Variants in GGNBP2 observed in about 807,000 individuals in gnomAD.
GGNBP2 encodes the protein gametogenetin binding protein 2, also known as gametogenetin-binding protein 2.
GGNBP2 carries 10 observed loss-of-function variants against 85.9 expected under a neutral mutation model. That is an observed-to-expected ratio of 0.12 (90% CI 0.07 to 0.20). The LOEUF is 0.20. Among genes scored for constraint, GGNBP2 ranks in the 10% least tolerant of loss-of-function variants. The pLI, the probability that GGNBP2 is intolerant of heterozygous loss-of-function variation, is 1.00. For missense variants in GGNBP2, 595 were observed against 857.8 expected, an observed-to-expected ratio of 0.69 and a Z score of 3.83; for synonymous variants, 287 against 285.7, an observed-to-expected ratio of 1.00 and a Z score of -0.05.
rs1160680685 is a variant in GGNBP2 at position 36,587,018 on chromosome 17, A to G, written c.1663A>G (p.Ile555Val). Residue 555 changes from isoleucine (I) to valine (V), a missense_variant, in exon 13 of 14, where the codon ATT becomes GTT. This residue lies in a region of GGNBP2 where 120 missense variants were observed against 126.3 expected (regional missense o/e 0.95). Coordinates refer to ENST00000613102, the MANE Select transcript of GGNBP2 (RefSeq NM_024835.5). ...DEHIQKLGSC[I>V]TDPGNRETSG... The stretch of plus-strand genomic sequence containing the variant: ...TCAGATCCAGAAGCTTGGAAGCTGT[A>G]TTACAGATCCAGGTAATCGAGAGAC... 17 of 1,612,298 alleles carry G rather than the reference A, an allele frequency of 1.1e-5. No individual in the cohort carries two copies. Among genetic ancestry groups the G allele is most frequent in the African/African-American group, 1.3e-5 (1 of 74,338 alleles).
At chr17:36,583,626 T>A (rs2074673292) in intron 9 of GGNBP2, among the ~76,000 whole-genome samples, 1 of 151,044 alleles carries the variant, frequency 6.6e-6, no homozygotes, top group Non-Finnish European at 1.5e-5. Context: ...GCCCGGCTAA[T>A]TTTTTTTTGT....
intron 8 of GGNBP2, among the ~76,000 whole-genome samples, chr17:36,579,797 G>C (rs934327564): frequency 2.0e-5 from 3 of 152,138 alleles, no homozygotes; most frequent in African/African-American, 7.2e-5. Context: ...GATCACCTGA[G>C]GTCAGGAGTT....
chr17:36,578,795 C>T (rs116983680), intron 7 of GGNBP2: 691 of 155,382 alleles, frequency 4.4e-3, no homozygotes, highest in South Asian at 0.02. Flanking sequence ...CGCCAAAGTT[C>T]TGTGAACACT....
chr17:36,582,023 T>TTAC (rs2142778490), intron 9 of GGNBP2: 1 of 152,168 alleles, frequency 6.6e-6, no homozygotes, highest in East Asian at 1.9e-4. Context: ...AACTACAGGC[T>TTAC]TACCCCACCA....
intron 6 of GGNBP2, among the ~76,000 whole-genome samples, chr17:36,568,670 C>A (rs1466914704): frequency 1.3e-5 from 2 of 152,102 alleles, no homozygotes; most frequent in Admixed American, 6.5e-5. Context: ...TTATCAGGAC[C>A]CCAAAAGAGA....
At chr17:36,581,597 A>G (rs994738481) in intron 9 of GGNBP2, 59 bp downstream of exon 9, 3 of 1,315,402 alleles carry the variant, frequency 2.3e-6, no homozygotes, top group Admixed American at 2.1e-5. Context: ...ATAGAAGTAC[A>G]GGCCAGGTGT....
chr17:36,558,717 A>G (rs148961167), intron 4 of GGNBP2, among the ~76,000 whole-genome samples: 1,529 of 151,260 alleles, frequency 0.01, 12 homozygotes, highest in South Asian at 0.027. Context: ...TGGACTCCCA[A>G]AGTGCTCGGA....
At chr17:36,568,849 T>A (rs1256670578) in intron 6 of GGNBP2, among the ~76,000 whole-genome samples, 1 of 151,612 alleles carries the variant, frequency 6.6e-6, no homozygotes, top group Non-Finnish European at 1.5e-5. Flanking sequence ...GCTGACTCCC[T>A]GGTTCAAGAG....
chr17:36,563,812 C>T (rs1236888362), intron 5 of GGNBP2, among the ~76,000 whole-genome samples: 9 of 150,130 alleles, frequency 6.0e-5, no homozygotes, highest in East Asian at 3.9e-4. Flanking sequence ...GGCGCGATCT[C>T]GGCTCACTGC....
intron 9 of GGNBP2, among the ~76,000 whole-genome samples, chr17:36,584,268 A>G (rs2074678941): frequency 1.3e-5 from 2 of 152,242 alleles, no homozygotes; most frequent in Non-Finnish European, 2.9e-5. Context: ...TTGCACCTCA[A>G]AAAGTGGCAC....
At chr17:36,568,626 T>G (rs192272246) in intron 6 of GGNBP2, among the ~76,000 whole-genome samples, 90 of 152,284 alleles carry the variant, frequency 5.9e-4, no homozygotes, top group African/African-American at 2.0e-3. Context: ...AATTAGTAGC[T>G]TTTTACTTAA....
intron 9 of GGNBP2, chr17:36,581,959 C>G (rs949790623): frequency 6.6e-6 from 1 of 152,344 alleles, no homozygotes; most frequent in Admixed American, 6.5e-5. Flanking sequence ...CTCACTGCAG[C>G]GTTCATCTCC....
Position 36,585,371 on chromosome 17 carries a change from A to T in GGNBP2, c.1287A>T (p.Glu429Asp). ...CTGAAGATGGTAATACTTGTGTAGAAGTAATTGTTACCAATGAAAATACAT... is the reference window on the plus strand; with the variant it reads ...CTGAAGATGGTAATACTTGTGTAGATGTAATTGTTACCAATGAAAATACAT... The part of the protein sequence containing the change: ...GSTEDGNTCV[E>D]VIVTNENTSC... Residue 429 changes from glutamate (E) to aspartate (D), a missense_variant, in exon 10 of 14, where the codon GAA becomes GAT. Glu to Asp is a conservative substitution (Grantham distance 45). This residue lies in a region of GGNBP2 where 85 missense variants were observed against 92.6 expected (regional missense o/e 0.92). Coordinates refer to ENST00000613102, the MANE Select transcript of GGNBP2 (RefSeq NM_024835.5). 1.2e-6 allele frequency: 2 copies of T among 1,612,398 alleles called. No individual in the cohort carries two copies. Among genetic ancestry groups the T allele is most frequent in the East Asian group, 2.2e-5 (1 of 44,854 alleles).
chr17:36,585,737 G>T, intron 10 of GGNBP2, 103 bp from the exon 11 acceptor site: 2 of 955,224 alleles, frequency 2.1e-6, no homozygotes, highest in Non-Finnish European at 3.1e-6. Flanking sequence ...CTTTTAATAA[G>T]CCATTAATTA....
At chr17:36,570,572 T>C (rs2074513250) in intron 6 of GGNBP2, among the ~76,000 whole-genome samples, 1 of 151,896 alleles carries the variant, frequency 6.6e-6, no homozygotes, top group African/African-American at 2.4e-5. Context: ...TGGTGGTGGG[T>C]GCCTATAATC....
chr17:36,583,363 A>C (rs2074670401), intron 9 of GGNBP2, among the ~76,000 whole-genome samples: 1 of 151,348 alleles, frequency 6.6e-6, no homozygotes. Context: ...AATATACTAG[A>C]TTCTTATATC....
rs199777252 is a variant in GGNBP2, at chr17:36,563,589, GT to G, written c.527+2734del. On this transcript the variant is annotated intron_variant, in intron 5 of 13. Coordinates refer to ENST00000613102, the MANE Select transcript of GGNBP2 (RefSeq NM_024835.5). Reference sequence around the variant, plus strand: ...CATACTTAGATTTTACCTGTTTCTGGTTTTTTTTTTTTTTTTGAATGTTGGT... The same window carrying G: ...CATACTTAGATTTTACCTGTTTCTGGTTTTTTTTTTTTTTTGAATGTTGGT... 4.2e-3 allele frequency among the ~76,000 whole-genome samples: 548 copies of G among 129,572 alleles called. 2 individuals are homozygous for G. The highest frequency in any genetic ancestry group is 0.033 in the East Asian group (144 of 4,402). 85.0% of individuals were successfully genotyped at this position (129,572 alleles called of 152,430 possible).
At chr17:36,580,041 A>C (rs988879738) in intron 8 of GGNBP2, among the ~76,000 whole-genome samples, 4 of 152,034 alleles carry the variant, frequency 2.6e-5, no homozygotes, top group Admixed American at 2.0e-4. Context: ...AACAAAACAA[A>C]AAAAACACAC....
intron 2 of GGNBP2, among the ~76,000 whole-genome samples, chr17:36,553,564 G>A (rs1395539627): frequency 6.6e-6 from 1 of 152,148 alleles, no homozygotes; most frequent in Admixed American, 6.6e-5. Flanking sequence ...CAACTGGGTA[G>A]GGATATTTTG....
Sources: gnomAD v4.1 joint callset for allele counts (sites outside exome capture counted in the v4.1 genomes callset) on GRCh38, gnomAD v4.1.1 for gene constraint, gnomAD v4.1.1 regional missense constraint, MANE v1.5 for transcripts, NCBI Gene and HGNC (gene_info 2026-07-23, HGNC 2026-07-21) for gene names.